The following SNX31 variants were observed in gnomAD, a reference collection of about 807,000 sequenced individuals.
SNX31 encodes the protein sorting nexin-31.
SNX31 carries 58 observed loss-of-function variants against 65.4 expected under a neutral mutation model. That is an observed-to-expected ratio of 0.89 (90% CI 0.72 to 1.10). The LOEUF (loss-of-function observed/expected upper bound fraction) is 1.10. SNX31 is among the 50% of genes least tolerant of loss of function. SNX31 has a pLI of 0.00. For missense variants in SNX31, 523 were observed against 529.7 expected, an observed-to-expected ratio of 0.99 and a Z score of 0.12; for synonymous variants, 181 against 190.1, an observed-to-expected ratio of 0.95 and a Z score of 0.39.
Position 100,649,304 on chromosome 8 carries a change from G to A in SNX31, c.111C>T (p.Arg37=). The A allele has an allele frequency of 6.2e-7, 1 of 1,614,060 alleles. No homozygotes were observed. The highest frequency in any genetic ancestry group is 8.5e-7 in the Non-Finnish European group (1 of 1,179,966). The change falls in exon 2 of 14, where the codon CGC becomes CGT. Residue 37 remains arginine (R), a synonymous_variant. Transcript: ENST00000311812. ...CGTTCCAACCGTGCAGCTGGCTGTA[G>A]CGCACCCTGCAGAAGAGGAACCCGT... ...HLDGFLFCRV[R]YSQLHGWNEQ...
chr8:100,627,277 G>C (rs572256363), intron 4 of SNX31, among the ~76,000 whole-genome samples: 25 of 152,254 alleles, frequency 1.6e-4, no homozygotes, highest in Non-Finnish European at 3.2e-4. Context: ...ACTTGAAACT[G>C]GGAGGTGGAA....
At chr8:100,615,432 T>C (rs570248241) in intron 5 of SNX31, among the ~76,000 whole-genome samples, 1 of 152,368 alleles carries the variant, frequency 6.6e-6, no homozygotes, top group South Asian at 2.1e-4. Flanking sequence ...TATAATTATT[T>C]ACTTAGACAT....
upstream of SNX31, among the ~76,000 whole-genome samples, chr8:100,654,343 A>G (rs1473059752): frequency 6.6e-6 from 1 of 152,082 alleles, no homozygotes; most frequent in Non-Finnish European, 1.5e-5. Flanking sequence ...TTTATAGGAG[A>G]CGAAACTGAG....
chr8:100,628,178 G>T (rs1332491562), intron 4 of SNX31, among the ~76,000 whole-genome samples: 1 of 152,334 alleles, frequency 6.6e-6, no homozygotes, highest in Middle Eastern at 3.4e-3. Flanking sequence ...GGGAGTCAGT[G>T]TGGCGATTCC....
At chr8:100,580,293 G>T (rs962691232) in intron 12 of SNX31, among the ~76,000 whole-genome samples, 1 of 151,880 alleles carries the variant, frequency 6.6e-6, no homozygotes, top group African/African-American at 2.4e-5. Context: ...AATTCCTTAG[G>T]AACACATCTA....
chr8:100,603,976 A>G (rs55969507), intron 8 of SNX31, among the ~76,000 whole-genome samples: 60,500 of 151,578 alleles, frequency 0.4, 13,384 homozygotes, highest in African/African-American at 0.59. Flanking sequence ...AATCTCAGGT[A>G]CTCTGCCCAC....
intron 11 of SNX31, among the ~76,000 whole-genome samples, chr8:100,585,126 T>C (rs1381436798): frequency 6.6e-6 from 1 of 152,214 alleles, no homozygotes; most frequent in African/African-American, 2.4e-5. Context: ...AAGACACTCA[T>C]AGTTGTACAA....
chr8:100,627,151 A>C (rs556322502), intron 4 of SNX31, among the ~76,000 whole-genome samples: 2 of 152,306 alleles, frequency 1.3e-5, no homozygotes, highest in South Asian at 4.1e-4. Context: ...CAGGAGTTCA[A>C]GACCAGCCTG....
Position 100,630,284 on chromosome 8 carries a change from C to T in SNX31, c.321+43G>A. 1 of 1,590,126 alleles carries T rather than the reference C, an allele frequency of 6.3e-7. No homozygotes were observed. Among genetic ancestry groups the T allele is most frequent in the Non-Finnish European group, 8.6e-7 (1 of 1,159,088 alleles). On this transcript the variant is annotated intron_variant, in intron 4 of 13. Transcript: ENST00000311812. This position sits in a 1 kb window ranked among gnomAD's most constrained non-coding sequence, Gnocchi z 5.3. ...TGCACACTTGGTTCATGAAGAGTGTCCTGCAGAGGAATGATGGCCCCATTA... is the reference window on the plus strand; with the variant it reads ...TGCACACTTGGTTCATGAAGAGTGTTCTGCAGAGGAATGATGGCCCCATTA...
intron 10 of SNX31, among the ~76,000 whole-genome samples, chr8:100,590,479 G>A (rs1021789097): frequency 2.0e-5 from 3 of 152,086 alleles, no homozygotes; most frequent in Non-Finnish European, 4.4e-5. Flanking sequence ...GGCAGCATCA[G>A]TTAAAACATG....
Position 100,578,684 on chromosome 8 carries a change from T to TTTTTATTTTATTTTATTTTATTTTA in SNX31, c.1171-1634_1171-1610dup, listed in dbSNP as rs138548509. ...ACATATTTAAGCCTATTTCAATGATTTTTTATTTTATTTTATTTTATTTTA... is the reference window on the plus strand; with the variant it reads ...ACATATTTAAGCCTATTTCAATGATTTTTTATTTTATTTTATTTTATTTTATTTTATTTTATTTTATTTTATTTTA... On this transcript the variant is annotated intron_variant, in intron 12 of 13. Transcript: ENST00000311812. The surrounding 1 kb of genome is among the most constrained non-coding windows in gnomAD (Gnocchi z 4.7). Among the ~76,000 whole-genome samples the TTTTTATTTTATTTTATTTTATTTTA allele has an allele frequency of 1.4e-5, 2 of 145,368 alleles. No individual in the cohort carries two copies. The highest frequency in any genetic ancestry group is 1.5e-5 in the Non-Finnish European group (1 of 66,556).
Position 100,586,837 on chromosome 8 carries a change from A to G in SNX31, c.1092+2029T>C, listed in dbSNP as rs564501014. ...TCACCAGAGACTCAAGTTGAATATG[A>G]CATCGATGCAAAGAGTACTTTACTA... On this transcript the variant is annotated intron_variant, in intron 11 of 13. Coordinates refer to ENST00000311812, the MANE Select transcript of SNX31 (RefSeq NM_152628.4). Among the ~76,000 whole-genome samples, 4 of 152,362 alleles carry G rather than the reference A, an allele frequency of 2.6e-5. No individual in the cohort carries two copies. In the South Asian group the frequency reaches 8.3e-4, roughly 32 times the overall value.
chr8:100,651,794 C>T (rs374462216), upstream of SNX31, among the ~76,000 whole-genome samples: 2 of 152,182 alleles, frequency 1.3e-5, no homozygotes, highest in African/African-American at 4.8e-5. Context: ...TCTCATTTCA[C>T]AGATGGGGAA....
Position 100,636,002 on chromosome 8 carries a change from C to T in SNX31, c.151G>A (p.Val51Ile). ...LHGWNEQLRRVFGNCLPPFPP... is the reference protein window; with the variant it reads ...LHGWNEQLRRIFGNCLPPFPP... The stretch of plus-strand genomic sequence containing the variant: ...AAGGGTGGCAGGCAATTTCCAAAGA[C>T]CCGCCTTAGCTGAAAGATCCAGGAA... The change falls in exon 3 of 14, where the codon GTC becomes ATC. Residue 51 changes from valine (V) to isoleucine (I), a missense_variant. By Grantham distance (29) the Val-to-Ile change is conservative. Transcript: ENST00000311812. The T allele has an allele frequency of 6.2e-7, 1 of 1,613,638 alleles. No homozygotes were observed. Among genetic ancestry groups the T allele is most frequent in the African/African-American group, 1.3e-5 (1 of 75,016 alleles).
rs2131301028 is a variant in SNX31, at chr8:100,648,777, A to G, written c.141+497T>C. On this transcript the variant is annotated intron_variant, in intron 2 of 13. Coordinates refer to ENST00000311812, the MANE Select transcript of SNX31 (RefSeq NM_152628.4). The surrounding 1 kb of genome is among the most constrained non-coding windows in gnomAD (Gnocchi z 4.3). ...TGCCAGTACTTGAAGCCTCATGGCC[A>G]TTCAAAAACAAAACTAGAGACACAC... 6.6e-6 allele frequency among the ~76,000 whole-genome samples: 1 copy of G among 152,352 alleles called. No homozygotes were observed. Among genetic ancestry groups the G allele is most frequent in the South Asian group, 2.1e-4 (1 of 4,830 alleles).
intron 8 of SNX31, among the ~76,000 whole-genome samples, chr8:100,601,079 T>C (rs1815581395): frequency 6.6e-6 from 1 of 152,170 alleles, no homozygotes; most frequent in South Asian, 2.1e-4. Context: ...GGAAAAAATA[T>C]ATTGATAAGG....
At chr8:100,584,843 T>C (rs1202519658) in intron 11 of SNX31, among the ~76,000 whole-genome samples, 5 of 151,448 alleles carry the variant, frequency 3.3e-5, no homozygotes, top group Non-Finnish European at 5.9e-5. Flanking sequence ...CCCGCCTCCT[T>C]GGTTCAAGCG....
intron 13 of SNX31, 44 bp from the exon 14 acceptor site, chr8:100,574,004 T>A: frequency 8.6e-7 from 1 of 1,163,070 alleles, no homozygotes; most frequent in Non-Finnish European, 1.2e-6. Flanking sequence ...TGAAAGGAAA[T>A]CATTTCCATA....
chr8:100,631,938 C>T lies in SNX31; in HGVS notation c.257-1547G>A, dbSNP rs77817919. On this transcript the variant is annotated intron_variant, in intron 3 of 13. Transcript: ENST00000311812. ...GTATTTACTGCGTGACTATTAAGTA[C>T]CAGTATTAGGCTAAAAACTTTGTAT... Among the ~76,000 whole-genome samples, 1,445 of 152,240 alleles carry T rather than the reference C, an allele frequency of 9.5e-3. 24 individuals carry two copies. The highest frequency in any genetic ancestry group is 0.013 in the Non-Finnish European group (902 of 68,028).
Sources: allele counts gnomAD v4.1 joint callset (sites outside exome capture counted in the v4.1 genomes callset), GRCh38; gene constraint gnomAD v4.1.1; non-coding constraint Gnocchi (gnomAD v3.1); transcripts MANE v1.5; gene names NCBI Gene and HGNC (gene_info 2026-07-23, HGNC 2026-07-21).